NKAIN3: variants seen among roughly 807,000 people sequenced by gnomAD.
NKAIN3 encodes sodium/potassium-transporting ATPase subunit beta-1-interacting protein 3.
In NKAIN3, 25 loss-of-function variants were observed where a neutral mutation model predicts 30.2. The ratio of observed to expected loss-of-function variants is 0.83; its 90% confidence interval spans 0.60 to 1.16. The LOEUF is 1.16. Ranked by LOEUF, NKAIN3 falls within the 50% of genes most tolerant of loss-of-function variation. NKAIN3 has a pLI of 0.00. For missense variants in NKAIN3, 225 were observed against 254.1 expected (o/e 0.89, Z 0.78); for synonymous variants, 91 against 89.6 (o/e 1.02, Z -0.09).
At chr8:62,506,601 A>G (rs777836893) in intron 1 of NKAIN3, among the ~76,000 whole-genome samples, 1 of 150,126 alleles carries the variant, frequency 6.7e-6, no homozygotes, top group Non-Finnish European at 1.5e-5. Context: ...CAGCCTCCCG[A>G]GTAGCTGGGA....
intron 4 of NKAIN3, chr8:62,856,157 C>T: frequency 1.4e-6 from 1 of 738,058 alleles, no homozygotes; most frequent in South Asian, 1.4e-5. Context: ...GATCTCAGAC[C>T]TCTTGGTATC....
chr8:62,379,391 T>C (rs1242280057), intron 1 of NKAIN3, among the ~76,000 whole-genome samples: 1 of 152,184 alleles, frequency 6.6e-6, no homozygotes, highest in Admixed American at 6.5e-5. Context: ...TTTGTTTTGA[T>C]ATGTGAGGAC....
intron 4 of NKAIN3, among the ~76,000 whole-genome samples, chr8:62,824,690 A>T (rs889104916): frequency 1.3e-5 from 2 of 152,070 alleles, no homozygotes; most frequent in African/African-American, 4.8e-5. Flanking sequence ...ACTTGCCCTG[A>T]TTGTCCTCTC....
At chr8:62,363,391 C>T (rs1422587279) in intron 1 of NKAIN3, among the ~76,000 whole-genome samples, 2 of 152,124 alleles carry the variant, frequency 1.3e-5, no homozygotes, top group African/African-American at 4.8e-5. Flanking sequence ...CCTGCCTGAG[C>T]CCTTATAGTA....
intron 1 of NKAIN3, among the ~76,000 whole-genome samples, chr8:62,538,465 A>T (rs1015924464): frequency 3.5e-4 from 53 of 151,932 alleles, no homozygotes; most frequent in South Asian, 1.2e-3. Context: ...ATGAGCCACC[A>T]CTCGCAGCCA....
intron 4 of NKAIN3, among the ~76,000 whole-genome samples, chr8:62,777,449 C>A (rs941557005): frequency 1.3e-5 from 2 of 151,982 alleles, no homozygotes; most frequent in Non-Finnish European, 2.9e-5. Flanking sequence ...CTCACTAATT[C>A]TTTCTTCTGC....
intron 1 of NKAIN3, among the ~76,000 whole-genome samples, chr8:62,331,143 C>T (rs1310515695): frequency 1.3e-5 from 2 of 149,338 alleles, no homozygotes; most frequent in African/African-American, 4.9e-5. Flanking sequence ...CCCTCCTCTT[C>T]CACCCCCTCT....
At chr8:62,304,958 C>T (rs1372910155) in intron 1 of NKAIN3, among the ~76,000 whole-genome samples, 1 of 150,492 alleles carries the variant, frequency 6.6e-6, no homozygotes, top group Admixed American at 6.6e-5. Flanking sequence ...AATGAAATCT[C>T]AGTTCTAGGC....
chr8:62,640,776 T>A (rs1200665063), intron 3 of NKAIN3, among the ~76,000 whole-genome samples: 1 of 152,098 alleles, frequency 6.6e-6, no homozygotes, highest in Non-Finnish European at 1.5e-5. Context: ...TGGGTCTAAA[T>A]TCTCCATCTA....
chr8:62,568,624 C>A (rs1809828932), intron 1 of NKAIN3, among the ~76,000 whole-genome samples: 1 of 152,118 alleles, frequency 6.6e-6, no homozygotes, highest in South Asian at 2.1e-4. Context: ...ATTCATTCCT[C>A]TTTTAACAGA....
chr8:62,463,454 A>G (rs1168850348), intron 1 of NKAIN3, among the ~76,000 whole-genome samples: 1 of 152,230 alleles, frequency 6.6e-6, no homozygotes, highest in Non-Finnish European at 1.5e-5. Flanking sequence ...GCTAGCAGGC[A>G]TATTCTAAAA....
At chr8:62,362,917 G>A (rs1816611387) in intron 1 of NKAIN3, among the ~76,000 whole-genome samples, 1 of 152,196 alleles carries the variant, frequency 6.6e-6, no homozygotes, top group African/African-American at 2.4e-5. Context: ...TCAGCAGTGT[G>A]TGACTGGTTG....
At chr8:62,282,959 T>A (rs1172247440) in intron 1 of NKAIN3, among the ~76,000 whole-genome samples, 1 of 152,176 alleles carries the variant, frequency 6.6e-6, no homozygotes, top group Non-Finnish European at 1.5e-5. Context: ...TTCTGTAGCA[T>A]CTTGTCATCG....
At chr8:62,824,607 T>A (rs1192289928) in intron 4 of NKAIN3, among the ~76,000 whole-genome samples, 5 of 152,130 alleles carry the variant, frequency 3.3e-5, no homozygotes, top group African/African-American at 1.2e-4. Context: ...TTTGACTTCC[T>A]GGGGAAATTT....
intron 4 of NKAIN3, among the ~76,000 whole-genome samples, chr8:62,889,943 C>T (rs949239256): frequency 6.6e-6 from 1 of 151,822 alleles, no homozygotes; most frequent in East Asian, 1.9e-4. Flanking sequence ...TAAAAAAAAA[C>T]AAAGTTTCTC....
intron 3 of NKAIN3, among the ~76,000 whole-genome samples, chr8:62,728,378 CA>C (rs1815325634): frequency 6.6e-6 from 1 of 152,066 alleles, no homozygotes; most frequent in Admixed American, 6.5e-5. Context: ...TTAAAAACTC[CA>C]TGGCCGGGTG....
chr8:62,639,542 C>T (rs576259844), intron 3 of NKAIN3, among the ~76,000 whole-genome samples: 12 of 152,184 alleles, frequency 7.9e-5, no homozygotes, highest in Admixed American at 1.3e-4. Flanking sequence ...ATAGTTTACA[C>T]GGAGTTTTTG....
intron 4 of NKAIN3, among the ~76,000 whole-genome samples, chr8:62,861,524 C>A (rs998107903): frequency 6.6e-6 from 1 of 152,180 alleles, no homozygotes; most frequent in Non-Finnish European, 1.5e-5. Flanking sequence ...CTTCCAGCAG[C>A]CTCCCTTAGG....
intron 3 of NKAIN3, among the ~76,000 whole-genome samples, chr8:62,598,665 C>T (rs1269945765): frequency 1.3e-5 from 2 of 152,028 alleles, no homozygotes; most frequent in East Asian, 3.9e-4. Context: ...CCTAGCCAGC[C>T]TCTAACTGTC....
Sources: gnomAD v4.1 joint callset for allele counts (sites outside exome capture counted in the v4.1 genomes callset) on GRCh38, gnomAD v4.1.1 for gene constraint, MANE v1.5 for transcripts, NCBI Gene and HGNC (gene_info 2026-07-23, HGNC 2026-07-21) for gene names.